Variants in CTC1 observed in about 807,000 individuals in gnomAD.
CTC1 encodes CST complex subunit CTC1.
A neutral mutation model predicts 136.3 loss-of-function variants in CTC1; 91 were observed. The ratio of observed to expected loss-of-function variants is 0.67; its 90% CI spans 0.56 to 0.79. The LOEUF (loss-of-function observed/expected upper bound fraction) is 0.79, where lower values mean the gene tolerates loss of function less well. CTC1 is among the 30% of genes least tolerant of loss of function. The pLI is 0.00. For missense variants in CTC1, 1,432 were observed against 1,498.1 expected (o/e 0.96, Z 0.73); for synonymous variants, 606 against 613.8 (o/e 0.99, Z 0.19).
Position 8,228,821 on chromosome 17 carries a change from C to T in CTC1, c.3293G>A (p.Gly1098Glu), listed in dbSNP as rs1986954991. Reference sequence around the variant, plus strand: ...GGAGGCCCACTCTCTAGGACACAGCCCTAGTGCTGCTGCCACATGGTGATT... The same window carrying T: ...GGAGGCCCACTCTCTAGGACACAGCTCTAGTGCTGCTGCCACATGGTGATT... ...CRNHHVAAAL[G>E]LCPREWASLL... Residue 1098 changes from glycine (G) to glutamate (E), a missense_variant, in exon 21 of 23, where the codon GGG becomes GAG. Coordinates refer to ENST00000651323, the MANE Select transcript of CTC1 (RefSeq NM_025099.6). 4 of 1,613,906 alleles carry T rather than the reference C, an allele frequency of 2.5e-6. No individual in the cohort carries two copies. The African/African-American group carries it at 4.0e-5, about 16-fold the overall frequency.
At chr17:8,237,234 C>T in intron 5 of CTC1, 141 bp downstream of exon 5, 1 of 869,670 alleles carries the variant, frequency 1.1e-6, no homozygotes, top group East Asian at 2.6e-5. Context: ...CCGGAATCTT[C>T]TCCCAACAGC....
At position 8,228,302 on chromosome 17, in the gene CTC1, G is replaced by A. The variant is rs200919310; in HGVS notation, c.3532C>T (p.Arg1178Ter). The change falls in exon 23 of 23, where the codon CGA (arginine) becomes TGA (stop). Residue 1178 changes from arginine to a stop codon, truncating the protein, a stop_gained. Coordinates refer to ENST00000651323, the MANE Select transcript of CTC1 (RefSeq NM_025099.6). LOFTEE classifies it low-confidence loss of function (END_TRUNC). The stretch of plus-strand genomic sequence containing the variant: ...AAAGGGAGCTCTCCACACTGGAATC[G>A]CTGTAGCCGAGGAGGTTCTGAGGTG... ...IVPLEPPRLQ[R>*]FQCGELPFLT... 139 of 1,613,960 alleles carry A rather than the reference G, an allele frequency of 8.6e-5. No homozygotes were observed. Among genetic ancestry groups the A allele is most frequent in the Non-Finnish European group, 1.2e-4 (136 of 1,179,994 alleles).
Position 8,226,748 on chromosome 17 carries a change from CATCTGCCTCCATG to C in CTC1, c.*1419_*1431del, listed in dbSNP as rs1567592806. The C allele has an allele frequency of 6.6e-6, 1 of 152,174 alleles. No homozygotes were observed. Among genetic ancestry groups the C allele is most frequent in the African/African-American group, 2.4e-5 (1 of 41,454 alleles). 9.4% of individuals were successfully genotyped at this position (152,174 alleles called of 1,614,324 possible). ...TTTCTTACTTCCCTTGACTGACAAA[CATCTGCCTCCATG>C]AAAGCGCTTCAGGGAAAAAAAGACG... On this transcript the variant is annotated 3_prime_UTR_variant, in exon 23 of 23. Coordinates refer to ENST00000651323, the MANE Select transcript of CTC1 (RefSeq NM_025099.6).
At chr17:8,237,352 G>A in intron 5 of CTC1, 23 bp downstream of exon 5, 1 of 1,612,882 alleles carries the variant, frequency 6.2e-7, no homozygotes, top group Non-Finnish European at 8.5e-7. Flanking sequence ...CACTTCCATG[G>A]CTGAAATGAC....
chr17:8,236,844 T>C (rs942190597), intron 5 of CTC1, among the ~76,000 whole-genome samples: 3 of 152,154 alleles, frequency 2.0e-5, no homozygotes, highest in Non-Finnish European at 4.4e-5. Flanking sequence ...AGAATAAAGA[T>C]CAATGATTTA....
At position 8,235,997 on chromosome 17, in the gene CTC1, T is replaced by G. The variant is rs775196782; in HGVS notation, c.1078-38A>C. On this transcript the variant is annotated intron_variant, in intron 6 of 22. Transcript: ENST00000651323. ...CGAGGTCCAGTTGACCACTATTTTC[T>G]TCCTCTTTGAAAACCCACATTTCTG... is the stretch of plus-strand genomic sequence containing the variant. The G allele has an allele frequency of 2.5e-6, 4 of 1,599,898 alleles. No homozygotes were observed. In the African/African-American group the frequency reaches 5.4e-5, roughly 21 times the overall value.
At chr17:8,243,697 T>C (rs1988461523) in intron 1 of CTC1, among the ~76,000 whole-genome samples, 1 of 152,190 alleles carries the variant, frequency 6.6e-6, no homozygotes. Context: ...CCATCTTACA[T>C]GGAATCTGGT....
rs752759103 is a variant in CTC1, at chr17:8,228,636, A to C, written c.3388-7T>G. 6.2e-7 allele frequency: 1 copy of C among 1,614,204 alleles called. No homozygotes were observed. The highest frequency in any genetic ancestry group is 8.5e-7 in the Non-Finnish European group (1 of 1,180,036). On this transcript the variant is annotated splice_polypyrimidine_tract_variant and splice_region_variant and intron_variant, in intron 21 of 22. Transcript: ENST00000651323. ...CGTCAACCCTGGCTGAAGACTAGAA[A>C]GAGAAGGTCAAGGTTAACTGGCTCC...
intron 18 of CTC1, 84 bp from the exon 19 acceptor site, chr17:8,229,530 G>A: frequency 8.3e-7 from 1 of 1,211,542 alleles, no homozygotes; most frequent in Non-Finnish European, 1.2e-6. Context: ...GGTCTAGAAG[G>A]ACTTAGAGGG....
intron 2 of CTC1, among the ~76,000 whole-genome samples, chr17:8,242,531 G>GAAA (rs1988319026): frequency 1.3e-5 from 1 of 79,710 alleles, no homozygotes; most frequent in African/African-American, 5.4e-5. Flanking sequence ...ATAGTGTAGA[G>GAAA]AGAAAAAAAA....
rs146427367 is a variant in CTC1 at position 8,226,702 on chromosome 17, G to A, written c.*1478C>T. 16 of 152,168 alleles carry A rather than the reference G, an allele frequency of 1.1e-4. No homozygotes were observed. The highest frequency in any genetic ancestry group is 8.3e-4 in the South Asian group (4 of 4,824). 9.4% of individuals were successfully genotyped at this position (152,168 alleles called of 1,614,324 possible). The stretch of plus-strand genomic sequence containing the variant: ...CTCGGCCACGACTACGAGGCTTAGG[G>A]CTTCGTTTTCATCCAATGCCTTTCT... On this transcript the variant is annotated 3_prime_UTR_variant, in exon 23 of 23. Coordinates refer to ENST00000651323, the MANE Select transcript of CTC1 (RefSeq NM_025099.6).
Position 8,234,645 on chromosome 17 carries a change from A to C in CTC1, c.1628T>G (p.Leu543Arg), listed in dbSNP as rs1987537673. ...AGTGGGGAAGGAGGAGGGAGTCTGCAGCCGAGTGTACTGTCAAGGAGGGAA... is the reference window on the plus strand; with the variant it reads ...AGTGGGGAAGGAGGAGGGAGTCTGCCGCCGAGTGTACTGTCAAGGAGGGAA... ...HHCPLQKYTR[L>R]QTPSSFPTLA... Residue 543 changes from leucine to arginine, a missense_variant, in exon 10 of 23, where the codon CTG (leucine) becomes CGG (arginine). Leu to Arg is a moderately radical substitution (Grantham distance 102). Coordinates refer to ENST00000651323, the MANE Select transcript of CTC1 (RefSeq NM_025099.6). The C allele has an allele frequency of 6.2e-7, 1 of 1,611,314 alleles. No individual in the cohort carries two copies. The highest frequency in any genetic ancestry group is 1.7e-5 in the Admixed American group (1 of 59,808).
At chr17:8,246,616 G>A (rs1394765973) in intron 1 of CTC1, among the ~76,000 whole-genome samples, 2 of 152,200 alleles carry the variant, frequency 1.3e-5, no homozygotes, top group African/African-American at 4.8e-5. Flanking sequence ...GCTGGGTGCA[G>A]TGGCTCACGC....
Position 8,225,507 on chromosome 17 carries a change from G to A in CTC1, c.*2673C>T, listed in dbSNP as rs1473763984. The A allele has an allele frequency of 6.6e-6, 1 of 152,156 alleles. No homozygotes were observed. Among genetic ancestry groups the A allele is most frequent in the African/African-American group, 2.4e-5 (1 of 41,398 alleles). 9.4% of individuals were successfully genotyped at this position (152,156 alleles called of 1,614,324 possible). A position where few individuals can be genotyped will look rare whatever the true frequency, so the allele number is the denominator to read the frequency against. ...GATCCTATTTCTTGCCTTATCTCTGGCATTTATTTCTTCCTTAACCAGCCT... is the reference window on the plus strand; with the variant it reads ...GATCCTATTTCTTGCCTTATCTCTGACATTTATTTCTTCCTTAACCAGCCT... On this transcript the variant is annotated 3_prime_UTR_variant, in exon 23 of 23. Transcript: ENST00000651323.
Position 8,236,143 on chromosome 17 carries a change from G to T in CTC1, c.992C>A (p.Pro331His). The T allele has an allele frequency of 6.2e-7, 1 of 1,614,168 alleles. No homozygotes were observed. The highest frequency in any genetic ancestry group is 8.5e-7 in the Non-Finnish European group (1 of 1,180,036). ...ELEGPLLEAD[P>H]KPLPMPSNSE... is the part of the protein sequence containing the mutation. ...GTTGCTGGGCATGGGGAGTGGCTTG[G>T]GGTCAGCCTCTAAGAGGGGTCCTTC... Residue 331 changes from proline (P) to histidine (H), a missense_variant, in exon 6 of 23, where the codon CCC (proline) becomes CAC (histidine). Transcript: ENST00000651323.
Position 8,231,596 on chromosome 17 carries a change from CT to C in CTC1, c.2476-128del, listed in dbSNP as rs544112690. On this transcript the variant is annotated intron_variant, in intron 14 of 22. Coordinates refer to ENST00000651323, the MANE Select transcript of CTC1 (RefSeq NM_025099.6). ...AAGGAAGTGTGTCAACACACACAGG[CT>C]TTCTGGTGTATCTAAATCCAGCCTT... is the stretch of plus-strand genomic sequence containing the variant. 2,067 of 1,217,204 alleles carry C rather than the reference CT, an allele frequency of 1.7e-3. 4 individuals are homozygous for C. The highest frequency in any genetic ancestry group is 3.0e-3 in the Admixed American group (151 of 51,168). 75.4% of individuals were successfully genotyped at this position (1,217,204 alleles called of 1,614,324 possible).
chr17:8,234,387 G>C, intron 10 of CTC1, 68 bp downstream of exon 10: 1 of 1,415,342 alleles, frequency 7.1e-7, no homozygotes, highest in South Asian at 1.2e-5. Flanking sequence ...TAGTAACCGA[G>C]ACTAGAGTCG....
rs1987070504 is a variant in CTC1, at chr17:8,229,966, G to A, written c.2936C>T (p.Ser979Phe). Reference sequence around the variant, plus strand: ...CCGGAAACAACAATAAACATTGTGAGATCTGCAAGTGGAAGAGGAATAGTG... The same window carrying A: ...CCGGAAACAACAATAAACATTGTGAAATCTGCAAGTGGAAGAGGAATAGTG... ...FSQLEKRVSRSHNVYCCFRSS... is the reference protein window; with the variant it reads ...FSQLEKRVSRFHNVYCCFRSS... The change falls in exon 18 of 23, where the codon TCT (serine) becomes TTT (phenylalanine). Residue 979 changes from serine to phenylalanine, a missense_variant and splice_region_variant. Ser to Phe is a radical substitution (Grantham distance 155). Transcript: ENST00000651323. The A allele has an allele frequency of 1.9e-6, 3 of 1,614,058 alleles. No individual in the cohort carries two copies. The highest frequency in any genetic ancestry group is 2.2e-5 in the South Asian group (2 of 91,078).
chr17:8,229,072 T>G, intron 20 of CTC1, 70 bp downstream of exon 20: 1 of 1,536,620 alleles, frequency 6.5e-7, no homozygotes, highest in Non-Finnish European at 8.9e-7. Context: ...TATGCTAATG[T>G]AGAAACTGCA....
Sources: allele counts gnomAD v4.1 joint callset (sites outside exome capture counted in the v4.1 genomes callset), GRCh38; gene constraint gnomAD v4.1.1; transcripts MANE v1.5; gene names NCBI Gene and HGNC (gene_info 2026-07-23, HGNC 2026-07-21).